Variants in PRRX1 observed in about 807,000 individuals in gnomAD.
PRRX1 encodes the protein paired mesoderm homeobox protein 1.
Under a neutral mutation model 24.0 loss-of-function variants are expected in PRRX1, and 8 were observed. That is an observed-to-expected ratio of 0.33 (90% CI 0.20 to 0.60). The LOEUF (loss-of-function observed/expected upper bound fraction) is 0.60. PRRX1 is among the 20% of genes least tolerant of loss of function. The pLI, the probability that PRRX1 is intolerant of heterozygous loss-of-function variation, is 0.82. For missense variants in PRRX1, 281 were observed against 322.4 expected, an observed-to-expected ratio of 0.87 and a Z score of 0.98; for synonymous variants, 160 against 131.7, an observed-to-expected ratio of 1.22 and a Z score of -1.47.
At chr1:170,712,227 G>A (rs1292906691) in intron 1 of PRRX1, among the ~76,000 whole-genome samples, 1 of 152,108 alleles carries the variant, frequency 6.6e-6, no homozygotes, top group African/African-American at 2.4e-5. Flanking sequence ...AAGAAGGCAA[G>A]TTGGCTTTTT....
chr1:170,688,650 A>G (rs987076514), intron 1 of PRRX1, among the ~76,000 whole-genome samples: 10 of 152,160 alleles, frequency 6.6e-5, no homozygotes, highest in African/African-American at 2.4e-4. Flanking sequence ...TATAAGACCA[A>G]AATAATAAAA....
At position 170,738,749 on chromosome 1, in the gene PRRX1, T is replaced by C; in HGVS notation, c.*2563T>C. 1 of 227,660 alleles carries C rather than the reference T, an allele frequency of 4.4e-6. No individual in the cohort carries two copies. Among genetic ancestry groups the C allele is most frequent in the East Asian group, 6.3e-5 (1 of 15,890 alleles). The allele number at this position is 227,660 out of a possible 1,614,324, so 14.1% of individuals were successfully genotyped here. ...AGATAGAGGGACATGTGAAACAAAA[T>C]CATTTGAAATTTTGATTCAGACATC... On this transcript the variant is annotated 3_prime_UTR_variant, in exon 4 of 4. Transcript: ENST00000239461.
intron 1 of PRRX1, among the ~76,000 whole-genome samples, chr1:170,686,924 A>G (rs1304438698): frequency 6.6e-6 from 1 of 152,172 alleles, no homozygotes; most frequent in African/African-American, 2.4e-5. Flanking sequence ...GCCTCTCTCC[A>G]TTAGTTAGAA....
chr1:170,676,781 A>C (rs542054622), intron 1 of PRRX1, among the ~76,000 whole-genome samples: 1 of 152,248 alleles, frequency 6.6e-6, no homozygotes, highest in Non-Finnish European at 1.5e-5. Flanking sequence ...TAGATGCATT[A>C]TTATCTGGTG....
chr1:170,691,752 CAA>C (rs1653988778), intron 1 of PRRX1, among the ~76,000 whole-genome samples: 1 of 151,598 alleles, frequency 6.6e-6, no homozygotes, highest in African/African-American at 2.4e-5. Context: ...TGTGTTGTGA[CAA>C]AGATAGTATT....
At chr1:170,668,306 C>T (rs891437028) in intron 1 of PRRX1, 3 of 152,138 alleles carry the variant, frequency 2.0e-5, no homozygotes, top group African/African-American at 7.2e-5. Context: ...TTAATCTGAA[C>T]TTCTGCAAAC....
chr1:170,710,682 G>A (rs150761381), intron 1 of PRRX1, among the ~76,000 whole-genome samples: 24 of 152,262 alleles, frequency 1.6e-4, no homozygotes, highest in African/African-American at 5.8e-4. Flanking sequence ...AGGTAATAAG[G>A]TTTAGATGAG....
chr1:170,698,122 A>G, intron 1 of PRRX1, among the ~76,000 whole-genome samples: 1 of 152,076 alleles, frequency 6.6e-6, no homozygotes, highest in East Asian at 1.9e-4. Context: ...TTGTAAATGG[A>G]GACAAATATA....
intron 3 of PRRX1, among the ~76,000 whole-genome samples, chr1:170,734,663 G>GCA (rs1196863313): frequency 1.7e-4 from 25 of 148,328 alleles, no homozygotes; most frequent in Middle Eastern, 3.6e-3. Context: ...ATGTATGTGT[G>GCA]CACACACACA....
rs1382590161 is a variant in PRRX1 at position 170,736,533 on chromosome 1, A to G, written c.*347A>G. The G allele has an allele frequency of 2.9e-5, 9 of 314,896 alleles. No homozygotes were observed. In the East Asian group the frequency reaches 4.1e-4, roughly 14 times the overall value. The allele number at this position is 314,896 out of a possible 1,614,324, so 19.5% of individuals were successfully genotyped here. A position where few individuals can be genotyped will look rare whatever the true frequency, so the allele number is the denominator to read the frequency against. On this transcript the variant is annotated 3_prime_UTR_variant, in exon 4 of 4. Transcript: ENST00000239461. The stretch of plus-strand genomic sequence containing the variant: ...ATGAAGTTTTAAAAAAAACTACAGC[A>G]GCCAAAGAAACTATATATATATATA...
chr1:170,688,007 A>G (rs1396703884), intron 1 of PRRX1, among the ~76,000 whole-genome samples: 1 of 152,204 alleles, frequency 6.6e-6, no homozygotes, highest in Non-Finnish European at 1.5e-5. Flanking sequence ...CATCAAGAAT[A>G]TTTTGATTGA....
At chr1:170,724,341 A>G (rs975455785) in intron 2 of PRRX1, among the ~76,000 whole-genome samples, 1 of 152,172 alleles carries the variant, frequency 6.6e-6, no homozygotes, top group Non-Finnish European at 1.5e-5. Flanking sequence ...TGACGTTTTC[A>G]TCATGAAATC....
intron 1 of PRRX1, chr1:170,669,000 T>C (rs761430806): frequency 1.3e-5 from 2 of 152,194 alleles, no homozygotes; most frequent in South Asian, 2.1e-4. Flanking sequence ...TTATTTTACA[T>C]GCAGAAGTAG....
chr1:170,719,665 A>T (rs1029220667), intron 1 of PRRX1, 61 bp from the exon 2 acceptor site: 7 of 1,545,272 alleles, frequency 4.5e-6, no homozygotes, highest in Non-Finnish European at 5.3e-6. Flanking sequence ...ACCATAAAAA[A>T]GTCTTAACTG....
At position 170,664,161 on chromosome 1, in the gene PRRX1, G is replaced by A. The variant is rs1326472120; in HGVS notation, c.-58G>A. 21 of 1,537,024 alleles carry A rather than the reference G, an allele frequency of 1.4e-5. No homozygotes were observed. In the East Asian group the frequency reaches 4.9e-4, roughly 36 times the overall value. ...GCTCCTCTCCCCCCTCGCGCCCACA[G>A]CGTTTGGTGTTGATTCGAGCGGGAA... On this transcript the variant is annotated 5_prime_UTR_variant, in exon 1 of 4. Coordinates refer to ENST00000239461, the MANE Select transcript of PRRX1 (RefSeq NM_022716.4).
chr1:170,716,099 T>A (rs1373109562), intron 1 of PRRX1, among the ~76,000 whole-genome samples: 1 of 152,166 alleles, frequency 6.6e-6, no homozygotes, highest in East Asian at 1.9e-4. Context: ...ATTCGACAAT[T>A]TCATGGGTTT....
intron 3 of PRRX1, chr1:170,728,651 A>G (rs1054966736): frequency 1.3e-5 from 2 of 152,210 alleles, no homozygotes; most frequent in South Asian, 2.1e-4. Flanking sequence ...GAATAAATTA[A>G]TCTTCAGATA....
chr1:170,718,042 GA>G (rs902690980), intron 1 of PRRX1, among the ~76,000 whole-genome samples: 1 of 152,192 alleles, frequency 6.6e-6, no homozygotes, highest in Non-Finnish European at 1.5e-5. Flanking sequence ...ATACCAAAGA[GA>G]AGGTGGACTG....
chr1:170,683,976 C>T (rs1370140609), intron 1 of PRRX1, among the ~76,000 whole-genome samples: 1 of 152,128 alleles, frequency 6.6e-6, no homozygotes, highest in Non-Finnish European at 1.5e-5. Flanking sequence ...TTTTGATTAA[C>T]AAGTATGCAT....
Sources: gnomAD v4.1 joint callset for allele counts (sites outside exome capture counted in the v4.1 genomes callset) on GRCh38, gnomAD v4.1.1 for gene constraint, MANE v1.5 for transcripts, NCBI Gene and HGNC (gene_info 2026-07-23, HGNC 2026-07-21) for gene names.